MYO16: variants seen among roughly 807,000 people sequenced by gnomAD.
MYO16 encodes the protein unconventional myosin-XVI.
In MYO16, 94 loss-of-function variants were observed where a neutral mutation model predicts 205.3. That is an observed-to-expected ratio of 0.46 (90% CI 0.39 to 0.54). The LOEUF (loss-of-function observed/expected upper bound fraction) is 0.54. Among genes scored for constraint, MYO16 ranks in the 20% least tolerant of loss-of-function variants. MYO16 has a pLI of 0.00. For synonymous variants in MYO16, 988 were observed against 954.0 expected, an observed-to-expected ratio of 1.04 and a Z score of -0.66; for missense variants, 2,315 against 2,387.5, an observed-to-expected ratio of 0.97 and a Z score of 0.63.
chr13:108,752,808 A>ATTT lies in MYO16; in HGVS notation c.507+25248_507+25250dup, dbSNP rs58645882. On this transcript the variant is annotated intron_variant, in intron 4 of 34. Coordinates refer to ENST00000457511, the MANE Select transcript of MYO16 (RefSeq NM_001198950.3). ...AGACACCTGCCACCGTGCCCAGCTA[A>ATTT]TTTTTTTTTTTTTTTTTTTTTTTTT... Among the ~76,000 whole-genome samples the ATTT allele has an allele frequency of 3.1e-3, 280 of 90,026 alleles. 13 individuals are homozygous for ATTT. Among genetic ancestry groups the ATTT allele is most frequent in the Middle Eastern group, 0.019 (2 of 108 alleles). The allele number at this position is 90,026 out of a possible 152,430, so 59.1% of individuals were successfully genotyped here.
rs372037307 is a variant in MYO16, at chr13:108,866,726, C to T, written c.1425+484C>T. ...AGAAATTACTTGTAGAAAATTATTC[C>T]AGTCAATTGAAAATGCAGTATGATT... On this transcript the variant is annotated intron_variant, in intron 12 of 34. Coordinates refer to ENST00000457511, the MANE Select transcript of MYO16 (RefSeq NM_001198950.3). 5.9e-5 allele frequency among the ~76,000 whole-genome samples: 9 copies of T among 152,168 alleles called. No individual in the cohort carries two copies. The South Asian group carries it at 8.3e-4, about 14-fold the overall frequency.
chr13:108,737,076 T>C (rs1388173164), intron 4 of MYO16, among the ~76,000 whole-genome samples: 1 of 152,212 alleles, frequency 6.6e-6, no homozygotes, highest in Admixed American at 6.5e-5. Flanking sequence ...AGTCATGTCA[T>C]CTGCAAACAG....
chr13:108,815,949 G>T (rs2139004577), intron 7 of MYO16, among the ~76,000 whole-genome samples: 1 of 152,088 alleles, frequency 6.6e-6, no homozygotes, highest in African/African-American at 2.4e-5. Context: ...ATACAGCAAG[G>T]GTACACCAGT....
intron 4 of MYO16, among the ~76,000 whole-genome samples, chr13:108,731,441 C>T (rs1423175516): frequency 3.3e-5 from 5 of 152,166 alleles, no homozygotes; most frequent in African/African-American, 7.2e-5. Context: ...CTTTACCTCA[C>T]GTGTTCTACA....
At chr13:108,502,465 G>C in the MYO16 span, among the ~76,000 whole-genome samples, 1 of 152,114 alleles carries the variant, frequency 6.6e-6, no homozygotes, top group African/African-American at 2.4e-5. Context: ...AAAACAGTGA[G>C]TTTGATGTTC....
chr13:108,684,099 C>A (rs1882575850), intron 2 of MYO16, among the ~76,000 whole-genome samples: 1 of 152,196 alleles, frequency 6.6e-6, no homozygotes, highest in African/African-American at 2.4e-5. Flanking sequence ...TGGCCTCGAT[C>A]TCCTGACCTC....
intron 12 of MYO16, among the ~76,000 whole-genome samples, chr13:108,867,606 A>G (rs974238780): frequency 2.0e-5 from 3 of 152,220 alleles, no homozygotes; most frequent in Admixed American, 6.5e-5. Flanking sequence ...TGGTTTTGAG[A>G]AAAAGCTCAG....
At chr13:109,165,272 G>A (rs865918979) in intron 33 of MYO16, among the ~76,000 whole-genome samples, 6 of 152,104 alleles carry the variant, frequency 3.9e-5, no homozygotes, top group Non-Finnish European at 7.4e-5. Flanking sequence ...TGACTTTTCC[G>A]AAATTTTATG....
chr13:108,827,394 AT>A (rs1876333980), intron 9 of MYO16, among the ~76,000 whole-genome samples: 1 of 152,182 alleles, frequency 6.6e-6, no homozygotes, highest in Non-Finnish European at 1.5e-5. Context: ...GCAGTAAATC[AT>A]GATTTAGTAA....
chr13:108,641,236 AT>A (rs1476025114), intron 1 of MYO16, among the ~76,000 whole-genome samples: 1 of 152,182 alleles, frequency 6.6e-6, no homozygotes, highest in African/African-American at 2.4e-5. Flanking sequence ...CTACTCTACC[AT>A]TTTGGTTAGT....
At chr13:109,014,447 G>A (rs1282684972) in intron 22 of MYO16, among the ~76,000 whole-genome samples, 6 of 152,046 alleles carry the variant, frequency 3.9e-5, no homozygotes, top group Admixed American at 6.6e-5. Context: ...TTGGCAATGC[G>A]GGCTCTTTTT....
At chr13:108,988,403 A>G (rs949098330) in intron 20 of MYO16, among the ~76,000 whole-genome samples, 2 of 151,982 alleles carry the variant, frequency 1.3e-5, no homozygotes, top group Non-Finnish European at 2.9e-5. Flanking sequence ...AATGCTTTAA[A>G]CTTGCATTTA....
At chr13:108,854,970 A>G (rs1566371219) in intron 10 of MYO16, among the ~76,000 whole-genome samples, 1 of 152,204 alleles carries the variant, frequency 6.6e-6, no homozygotes, top group Non-Finnish European at 1.5e-5. Context: ...GCCTCATCCT[A>G]CATGAATGCA....
rs186849696 is a variant in MYO16 at position 108,805,565 on chromosome 13, C to A, written c.742-1114C>A. 8.6e-5 allele frequency among the ~76,000 whole-genome samples: 13 copies of A among 151,034 alleles called. No homozygotes were observed. In the East Asian group the frequency reaches 2.5e-3, roughly 29 times the overall value. On this transcript the variant is annotated intron_variant, in intron 6 of 34. Coordinates refer to ENST00000457511, the MANE Select transcript of MYO16 (RefSeq NM_001198950.3). ...CTACTTTTAAGGTTTTTTTTTCTTT[C>A]TTTTCTGATAGTTTCTTCTTCCTAA...
At chr13:109,008,417 ATC>A (rs965918243) in intron 21 of MYO16, among the ~76,000 whole-genome samples, 1 of 127,052 alleles carries the variant, frequency 7.9e-6, no homozygotes, top group African/African-American at 3.3e-5. Context: ...CTACTGTACT[ATC>A]TATCTTGTGT....
At chr13:108,921,135 T>C (rs912885749) in intron 16 of MYO16, among the ~76,000 whole-genome samples, 2 of 152,238 alleles carry the variant, frequency 1.3e-5, no homozygotes, top group Admixed American at 6.5e-5. Flanking sequence ...TCAGCTGATA[T>C]AGTCGGTGTT....
At chr13:109,062,568 T>C (rs1221635504) in intron 27 of MYO16, among the ~76,000 whole-genome samples, 1 of 152,140 alleles carries the variant, frequency 6.6e-6, no homozygotes, top group East Asian at 1.9e-4. Flanking sequence ...GAATTATGAA[T>C]TTATTTTAGA....
At chr13:108,795,102 A>G (rs1357657316) in intron 6 of MYO16, among the ~76,000 whole-genome samples, 5 of 151,922 alleles carry the variant, frequency 3.3e-5, no homozygotes, top group Admixed American at 6.6e-5. Flanking sequence ...AAGTTTATAA[A>G]TTTATAAATA....
intron 1 of MYO16, 30 bp downstream of exon 1, chr13:108,629,902 G>A: frequency 6.6e-7 from 1 of 1,509,824 alleles, no homozygotes; most frequent in Non-Finnish European, 8.9e-7. Flanking sequence ...TGCTCATGTG[G>A]TTATTTGTCT....
Sources: allele counts gnomAD v4.1 joint callset (sites outside exome capture counted in the v4.1 genomes callset), GRCh38; gene constraint gnomAD v4.1.1; transcripts MANE v1.5; gene names NCBI Gene and HGNC (gene_info 2026-07-23, HGNC 2026-07-21).